Variants in ENOX2 observed in about 807,000 individuals in gnomAD.
ENOX2 encodes the protein APK1 antigen.
In ENOX2, 36 loss-of-function variants were observed where a neutral mutation model predicts 45.0. The observed-to-expected ratio is 0.80, with a 90% CI of 0.61 to 1.06. The LOEUF (loss-of-function observed/expected upper bound fraction) is 1.06, where lower values mean the gene tolerates loss of function less well. Ranked by LOEUF, ENOX2 falls within the 50% of genes least tolerant of loss-of-function variation. The pLI is 0.00. For missense variants in ENOX2, 423 were observed against 462.5 expected, an observed-to-expected ratio of 0.91 and a Z score of 0.78; for synonymous variants, 174 against 152.3, an observed-to-expected ratio of 1.14 and a Z score of -1.05.
intron 3 of ENOX2, among the ~76,000 whole-genome samples, chrX:130,738,314 G>A (rs1387317585): frequency 8.9e-6 from 1 of 112,029 alleles, no homozygotes; most frequent in Non-Finnish European, 1.9e-5. Context: ...CCTGGCTAGT[G>A]GATTAGGCAG....
intron 3 of ENOX2, among the ~76,000 whole-genome samples, chrX:130,779,933 A>C (rs1316554271): frequency 4.5e-5 from 5 of 111,928 alleles, no homozygotes; most frequent in African/African-American, 1.6e-4. Flanking sequence ...CAGAGGTACA[A>C]GAGAACATTT....
rs768268168 is a variant in ENOX2, at chrX:130,719,628, C to T, written c.-38-16374G>A. On this transcript the variant is annotated intron_variant, in intron 3 of 14. Transcript: ENST00000394363. ...TAGCATGGGGGCTCCAGCTGAGGGG[C>T]GGCTGCAGCTATGGCAACACATGCC... 7.8e-4 allele frequency among the ~76,000 whole-genome samples: 87 copies of T among 111,945 alleles called. 1 individual carries two copies. Among genetic ancestry groups the T allele is most frequent in the African/African-American group, 2.6e-3 (81 of 30,802 alleles).
At chrX:130,885,379 T>C (rs1261946080) in intron 2 of ENOX2, among the ~76,000 whole-genome samples, 1 of 111,478 alleles carries the variant, frequency 9.0e-6, no homozygotes, top group Non-Finnish European at 1.9e-5. Context: ...GTCTCAGTTT[T>C]CTTACCTATA....
intron 3 of ENOX2, among the ~76,000 whole-genome samples, chrX:130,781,895 G>A (rs1037628080): frequency 9.0e-6 from 1 of 111,267 alleles, no homozygotes; most frequent in Non-Finnish European, 1.9e-5. Flanking sequence ...AAAGGAGACA[G>A]GACATGTGTA....
chrX:130,689,594 T>A (rs2037538767), intron 4 of ENOX2, among the ~76,000 whole-genome samples: 1 of 111,977 alleles, frequency 8.9e-6, no homozygotes. Flanking sequence ...TCTGTGCCTT[T>A]GTTCATGTTT....
At chrX:130,716,255 A>G (rs1179739413) in intron 3 of ENOX2, among the ~76,000 whole-genome samples, 1 of 112,358 alleles carries the variant, frequency 8.9e-6, no homozygotes, top group East Asian at 2.8e-4. Flanking sequence ...CCAGAAAAAA[A>G]CAGTGGGATT....
intron 9 of ENOX2, among the ~76,000 whole-genome samples, chrX:130,660,376 C>G (rs1168944580): frequency 1.8e-5 from 2 of 111,777 alleles, no homozygotes; most frequent in Non-Finnish European, 1.9e-5. Context: ...AAATCTTTCC[C>G]TTAAAGCACT....
chrX:130,902,767 AG>A (rs1386588013), intron 1 of ENOX2, among the ~76,000 whole-genome samples: 1 of 29,769 alleles, frequency 3.4e-5, no homozygotes, highest in South Asian at 2.1e-3. Context: ...AGCCAGGGGG[AG>A]GGGGGCGGCG....
intron 9 of ENOX2, among the ~76,000 whole-genome samples, chrX:130,657,142 G>C (rs900381983): frequency 1.8e-5 from 2 of 111,761 alleles, no homozygotes; most frequent in African/African-American, 6.5e-5. Context: ...AGTTTTAGAA[G>C]TTACAGCAAA....
intron 9 of ENOX2, among the ~76,000 whole-genome samples, chrX:130,662,452 G>A (rs779811638): frequency 8.9e-6 from 1 of 111,955 alleles, no homozygotes; most frequent in African/African-American, 3.2e-5. Flanking sequence ...TAAAAAGGTT[G>A]AACGTCAGAA....
chrX:130,837,096 T>C (rs1020444079), intron 2 of ENOX2, among the ~76,000 whole-genome samples: 4 of 112,368 alleles, frequency 3.6e-5, no homozygotes, highest in Non-Finnish European at 7.5e-5. Flanking sequence ...ATTGAAAGTG[T>C]TGGAATTTGA....
intron 3 of ENOX2, among the ~76,000 whole-genome samples, chrX:130,755,114 A>C (rs2039324147): frequency 9.2e-6 from 1 of 109,111 alleles, no homozygotes; most frequent in Admixed American, 9.7e-5. Context: ...CAGCACAATC[A>C]CTTGATTTTA....
At position 130,778,817 on chromosome X, in the gene ENOX2, A is replaced by T. The variant is rs7055494; in HGVS notation, c.-39+4730T>A. ...CATTTAAGGACAAATCTATCTTTCA[A>T]CCCAGGCTTATAGAGAAAAGACAAT... On this transcript the variant is annotated intron_variant, in intron 3 of 14. Coordinates refer to ENST00000394363, the MANE Select transcript of ENOX2 (RefSeq NM_006375.4). Among the ~76,000 whole-genome samples, 429 of 112,225 alleles carry T rather than the reference A, an allele frequency of 3.8e-3. 2 individuals are homozygous for T. The highest frequency in any genetic ancestry group is 0.013 in the African/African-American group (415 of 30,887).
intron 2 of ENOX2, among the ~76,000 whole-genome samples, chrX:130,895,580 C>T (rs557760064): frequency 3.6e-5 from 4 of 112,025 alleles, no homozygotes; most frequent in Middle Eastern, 9.2e-3. Flanking sequence ...CTCTGCCTAC[C>T]GAGGCATTTG....
chrX:130,671,242 C>T (rs1198721854), intron 6 of ENOX2, among the ~76,000 whole-genome samples: 1 of 111,901 alleles, frequency 8.9e-6, no homozygotes, highest in Non-Finnish European at 1.9e-5. Flanking sequence ...GTCCTCCTAC[C>T]TTAAACAACT....
chrX:130,733,965 A>G (rs890804277), intron 3 of ENOX2, among the ~76,000 whole-genome samples: 3 of 112,568 alleles, frequency 2.7e-5, no homozygotes. Context: ...CAAAATTTCA[A>G]AAATTTAATT....
Position 130,818,138 on chromosome X carries a change from A to G in ENOX2, c.-182-34448T>C, listed in dbSNP as rs6634801. Among the ~76,000 whole-genome samples, 45 of 112,004 alleles carry G rather than the reference A, an allele frequency of 4.0e-4. 1 individual carries two copies. The East Asian group carries it at 0.012, about 30-fold the overall frequency. On this transcript the variant is annotated intron_variant, in intron 2 of 14. Coordinates refer to ENST00000394363, the MANE Select transcript of ENOX2 (RefSeq NM_006375.4). Reference sequence around the variant, plus strand: ...TACACCAATTATAGACAGCCAAATCATGAGTGAACTCCCATTCACAATTGC... The same window carrying G: ...TACACCAATTATAGACAGCCAAATCGTGAGTGAACTCCCATTCACAATTGC...
chrX:130,885,548 A>C (rs1314897390), intron 2 of ENOX2, among the ~76,000 whole-genome samples: 4 of 112,654 alleles, frequency 3.6e-5, no homozygotes, highest in Non-Finnish European at 7.5e-5. Context: ...CCATTAAGGA[A>C]TTAAACATGT....
chrX:130,654,887 A>G (rs1235315854), intron 10 of ENOX2, among the ~76,000 whole-genome samples: 1 of 112,024 alleles, frequency 8.9e-6, no homozygotes, highest in Non-Finnish European at 1.9e-5. Context: ...GCAATTATAT[A>G]ACTCTAGTAA....
Sources: gnomAD v4.1 joint callset for allele counts (sites outside exome capture counted in the v4.1 genomes callset) on GRCh38, gnomAD v4.1.1 for gene constraint, MANE v1.5 for transcripts, NCBI Gene and HGNC (gene_info 2026-07-23, HGNC 2026-07-21) for gene names.